The following LY96 variants were observed in gnomAD, a reference collection of about 807,000 sequenced individuals.
The protein encoded by LY96 is myeloid differentiation protein-2.
In LY96, 18 loss-of-function variants were observed where a neutral mutation model predicts 18.9. That is an observed-to-expected ratio of 0.95 (90% CI 0.66 to 1.41). LY96 has a LOEUF of 1.41. Among genes scored for constraint, LY96 ranks in the 40% most tolerant of loss-of-function variants. The probability of loss-of-function intolerance (pLI) is 0.00; values close to 1 mark genes in which losing one functional copy is unlikely to be tolerated. For missense variants in LY96, 175 were observed against 182.4 expected, an observed-to-expected ratio of 0.96 and a Z score of 0.23; for synonymous variants, 66 against 62.6, an observed-to-expected ratio of 1.06 and a Z score of -0.26.
At chr8:74,019,682 G>T (rs1402728972) in intron 3 of LY96, among the ~76,000 whole-genome samples, 3 of 152,072 alleles carry the variant, frequency 2.0e-5, no homozygotes, top group Non-Finnish European at 4.4e-5. Context: ...TAAAATACTG[G>T]CAAACCAAAT....
At chr8:74,009,911 A>G in intron 2 of LY96, 90 bp from the exon 3 acceptor site, 1 of 892,622 alleles carries the variant, frequency 1.1e-6, no homozygotes, top group Non-Finnish European at 1.8e-6. Context: ...AGAAAAGCAC[A>G]GGGCCCCTTT....
intron 1 of LY96, among the ~76,000 whole-genome samples, chr8:74,002,089 TTCTTTCTCTCTCTCTCTCTC>T (rs1563710915): frequency 8.0e-5 from 2 of 25,040 alleles, no homozygotes; most frequent in South Asian, 1.7e-3. Flanking sequence ...CTTTCTTTCT[TTCTTTCTCTCTCTCTCTCTC>T]TCTCTCTCTC....
chr8:74,042,349 C>A, the LY96 span, among the ~76,000 whole-genome samples: 1 of 152,022 alleles, frequency 6.6e-6, no homozygotes, highest in Non-Finnish European at 1.5e-5. Flanking sequence ...GGTGAAACCC[C>A]ATCTCTCTAA....
chr8:74,017,926 G>T (rs940954205), intron 3 of LY96, among the ~76,000 whole-genome samples: 1 of 152,112 alleles, frequency 6.6e-6, no homozygotes, highest in Non-Finnish European at 1.5e-5. Context: ...AGGAACAACT[G>T]GTACCAGCCA....
At chr8:74,000,485 G>A (rs747942336) in intron 1 of LY96, among the ~76,000 whole-genome samples, 1 of 151,728 alleles carries the variant, frequency 6.6e-6, no homozygotes, top group Non-Finnish European at 1.5e-5. Context: ...TTAAGTAATC[G>A]CTAGGAATTT....
chr8:74,036,317 C>T, the LY96 span, among the ~76,000 whole-genome samples: 1 of 152,074 alleles, frequency 6.6e-6, no homozygotes, highest in African/African-American at 2.4e-5. Context: ...TTCTGTAATC[C>T]CTTACTACTC....
chr8:74,055,201 C>T, the LY96 span, among the ~76,000 whole-genome samples: 2 of 152,222 alleles, frequency 1.3e-5, no homozygotes, highest in Non-Finnish European at 1.5e-5. Context: ...AGCCACCATA[C>T]TCGGCCATCA....
intron 4 of LY96, 21 bp downstream of exon 4, chr8:74,026,862 T>G (rs1255114517): frequency 1.6e-6 from 2 of 1,248,098 alleles, no homozygotes. Context: ...AGATTTATTT[T>G]GTACTGTCTA....
the LY96 span, among the ~76,000 whole-genome samples, chr8:74,072,243 A>C: frequency 6.6e-6 from 1 of 152,200 alleles, no homozygotes; most frequent in Non-Finnish European, 1.5e-5. Flanking sequence ...TTGTGGCTAA[A>C]TGTCCACAAA....
intron 2 of LY96, among the ~76,000 whole-genome samples, chr8:74,009,648 C>T (rs1816488701): frequency 6.6e-6 from 1 of 152,142 alleles, no homozygotes; most frequent in South Asian, 2.1e-4. Flanking sequence ...TCCTTCCTTT[C>T]CTTTTCTTTT....
the LY96 span, among the ~76,000 whole-genome samples, chr8:74,038,341 G>A: frequency 1.3e-5 from 2 of 151,800 alleles, no homozygotes; most frequent in African/African-American, 4.8e-5. Context: ...ACTCCTCTGT[G>A]CCACCCCCCG....
At position 74,025,372 on chromosome 8, in the gene LY96, C is replaced by T. The variant is rs571641242; in HGVS notation, c.332-1417C>T. On this transcript the variant is annotated intron_variant, in intron 3 of 4. Transcript: ENST00000284818. Reference sequence around the variant, plus strand: ...TCAACTCCTTTAGTAAGGATACACCCGGCTAGGTGTGGTGGTTTATGTCTG... The same window carrying T: ...TCAACTCCTTTAGTAAGGATACACCTGGCTAGGTGTGGTGGTTTATGTCTG... Among the ~76,000 whole-genome samples, 11 of 152,196 alleles carry T rather than the reference C, an allele frequency of 7.2e-5. No homozygotes were observed. In the East Asian group the frequency reaches 7.7e-4, roughly 11 times the overall value.
chr8:74,024,599 T>A lies in LY96; in HGVS notation c.332-2190T>A, dbSNP rs908045675. On this transcript the variant is annotated intron_variant, in intron 3 of 4. Coordinates refer to ENST00000284818, the MANE Select transcript of LY96 (RefSeq NM_015364.5). The stretch of plus-strand genomic sequence containing the variant: ...CCTATGAGATACGTGTTATCGCCCA[T>A]CAGCATTTTACTGAGGCATAGAAAA... 8.5e-5 allele frequency among the ~76,000 whole-genome samples: 13 copies of A among 152,208 alleles called. No homozygotes were observed. In the East Asian group the frequency reaches 9.6e-4, roughly 11 times the overall value.
At chr8:74,059,524 T>C in the LY96 span, among the ~76,000 whole-genome samples, 1 of 152,218 alleles carries the variant, frequency 6.6e-6, no homozygotes, top group Non-Finnish European at 1.5e-5. Flanking sequence ...ACAGATTATA[T>C]TTATAGGGAC....
the LY96 span, among the ~76,000 whole-genome samples, chr8:74,062,085 C>T: frequency 6.6e-6 from 1 of 152,140 alleles, no homozygotes; most frequent in Non-Finnish European, 1.5e-5. Flanking sequence ...CAAATGGTAT[C>T]TCATTTTGCT....
At chr8:74,061,604 AAG>A in the LY96 span, among the ~76,000 whole-genome samples, 1 of 152,220 alleles carries the variant, frequency 6.6e-6, no homozygotes, top group African/African-American at 2.4e-5. Context: ...CAAAGTTGCT[AAG>A]AGAGTAAATT....
the LY96 span, among the ~76,000 whole-genome samples, chr8:74,044,259 G>A: frequency 6.7e-6 from 1 of 149,164 alleles, no homozygotes; most frequent in Non-Finnish European, 1.5e-5. Flanking sequence ...ATATCTCACT[G>A]TAACCTCCAA....
the LY96 span, among the ~76,000 whole-genome samples, chr8:74,063,276 T>C: frequency 4.6e-5 from 7 of 152,216 alleles, no homozygotes; most frequent in African/African-American, 1.4e-4. Context: ...ATATGACTTA[T>C]TAGAAGTCAC....
At chr8:73,996,372 C>CTTTCTTTCTTCCTTCATTTCTTTCTTT (rs756373007) in intron 1 of LY96, among the ~76,000 whole-genome samples, 1 of 110,910 alleles carries the variant, frequency 9.0e-6, no homozygotes, top group East Asian at 3.2e-4. Context: ...TTCCTTCATT[C>CTTTCTTTCTTCCTTCATTTCTTTCTTT]CTTTCTTTCT....
Sources: allele counts gnomAD v4.1 joint callset (sites outside exome capture counted in the v4.1 genomes callset), GRCh38; gene constraint gnomAD v4.1.1; transcripts MANE v1.5; gene names NCBI Gene and HGNC (gene_info 2026-07-23, HGNC 2026-07-21).